ZNF804B: variants seen among roughly 807,000 people sequenced by gnomAD.
The protein encoded by ZNF804B is zinc finger protein 804B, also known as zinc finger 804B.
ZNF804B carries 80 observed loss-of-function variants against 101.4 expected under a neutral mutation model. That is an observed-to-expected ratio of 0.79 (90% CI 0.66 to 0.95). The LOEUF (loss-of-function observed/expected upper bound fraction) is 0.95. Among genes scored for constraint, ZNF804B ranks in the 40% least tolerant of loss-of-function variants. ZNF804B has a pLI of 0.00. For missense variants in ZNF804B, 1,673 were observed against 1,561.9 expected (o/e 1.07, Z -1.20); for synonymous variants, 622 against 558.8 (o/e 1.11, Z -1.59).
intron 1 of ZNF804B, among the ~76,000 whole-genome samples, chr7:88,898,139 T>C (rs1172177441): frequency 1.6e-5 from 2 of 127,978 alleles, no homozygotes; most frequent in Non-Finnish European, 3.1e-5. Context: ...CAGGCTCTAG[T>C]GCAATGGCGG....
chr7:89,087,067 AAAAAG>A (rs1295905044), intron 1 of ZNF804B, among the ~76,000 whole-genome samples: 3 of 151,768 alleles, frequency 2.0e-5, no homozygotes, highest in Admixed American at 6.6e-5. Flanking sequence ...AAAAAAAAAA[AAAAAG>A]AAAGGAAGCA....
intron 2 of ZNF804B, among the ~76,000 whole-genome samples, chr7:89,291,223 C>T (rs1005110857): frequency 6.6e-6 from 1 of 152,164 alleles, no homozygotes; most frequent in African/African-American, 2.4e-5. Flanking sequence ...AATGCCCAGA[C>T]ACTGACAAAT....
At chr7:89,186,496 A>C (rs1283076796) in intron 1 of ZNF804B, among the ~76,000 whole-genome samples, 1 of 152,202 alleles carries the variant, frequency 6.6e-6, no homozygotes, top group Non-Finnish European at 1.5e-5. Flanking sequence ...GAAAACAGAA[A>C]GAAATAAAGC....
chr7:88,943,310 G>C (rs4727194), intron 1 of ZNF804B, among the ~76,000 whole-genome samples: 6,088 of 151,852 alleles, frequency 0.04, 247 homozygotes, highest in East Asian at 0.17. Flanking sequence ...TGAAAGTAGT[G>C]GTATGTAAAC....
intron 2 of ZNF804B, among the ~76,000 whole-genome samples, chr7:89,257,168 C>A (rs1261192024): frequency 6.6e-6 from 1 of 152,038 alleles, no homozygotes; most frequent in Non-Finnish European, 1.5e-5. Flanking sequence ...TTATACTGAA[C>A]TATAGGATGG....
At chr7:89,130,416 G>A (rs912623860) in intron 1 of ZNF804B, among the ~76,000 whole-genome samples, 3 of 152,028 alleles carry the variant, frequency 2.0e-5, no homozygotes, top group African/African-American at 4.8e-5. Context: ...TATAGGAAAT[G>A]TTCCTTAGAA....
intron 1 of ZNF804B, among the ~76,000 whole-genome samples, chr7:88,973,128 A>G (rs1284169344): frequency 6.8e-6 from 1 of 147,910 alleles, no homozygotes; most frequent in African/African-American, 2.5e-5. Flanking sequence ...GCCACTCTCT[A>G]CTCCCACTCA....
At chr7:88,979,460 A>G (rs1311174036) in intron 1 of ZNF804B, among the ~76,000 whole-genome samples, 3 of 151,878 alleles carry the variant, frequency 2.0e-5, no homozygotes, top group Non-Finnish European at 1.5e-5. Context: ...ACTATAGATA[A>G]AGGTTTTTTT....
chr7:89,031,195 A>G lies in ZNF804B; in HGVS notation c.109-186960A>G, dbSNP rs939400956. 9.4e-5 allele frequency among the ~76,000 whole-genome samples: 11 copies of G among 117,268 alleles called. 1 individual carries two copies. The highest frequency in any genetic ancestry group is 2.6e-4 in the African/African-American group (9 of 35,026). 76.9% of individuals were successfully genotyped at this position (117,268 alleles called of 152,430 possible). On this transcript the variant is annotated intron_variant, in intron 1 of 3. Transcript: ENST00000333190. ...AATAAAAATATATATGTGTATATATATATATGTGTGTGTGTGTATATATAT... is the reference window on the plus strand; with the variant it reads ...AATAAAAATATATATGTGTATATATGTATATGTGTGTGTGTGTATATATAT...
chr7:88,892,165 T>C (rs945242621), intron 1 of ZNF804B, among the ~76,000 whole-genome samples: 1 of 144,520 alleles, frequency 6.9e-6, no homozygotes, highest in East Asian at 2.0e-4. Flanking sequence ...AAATTAGATA[T>C]TGTTGTTTAA....
In ZNF804B at chr7:89,060,054, C is replaced by G. The variant is rs997300673; in HGVS notation, c.109-158101C>G. Among the ~76,000 whole-genome samples, 4 of 152,082 alleles carry G rather than the reference C, an allele frequency of 2.6e-5. No individual in the cohort carries two copies. The South Asian group carries it at 8.3e-4, about 32-fold the overall frequency. On this transcript the variant is annotated intron_variant, in intron 1 of 3. Coordinates refer to ENST00000333190, the MANE Select transcript of ZNF804B (RefSeq NM_181646.5). ...AACCTGGGTCCTCAGGCTTTCAGAG[C>G]CCTCTGACTGAGAGTTACACCATTG... is the stretch of plus-strand genomic sequence containing the variant.
At chr7:89,190,084 G>C (rs1284379002) in intron 1 of ZNF804B, among the ~76,000 whole-genome samples, 1 of 151,956 alleles carries the variant, frequency 6.6e-6, no homozygotes, top group African/African-American at 2.4e-5. Flanking sequence ...ACTTTGAGGG[G>C]TTCAAAACTT....
intron 1 of ZNF804B, among the ~76,000 whole-genome samples, chr7:88,987,265 A>G (rs1160234303): frequency 4.6e-5 from 7 of 152,078 alleles, no homozygotes; most frequent in Admixed American, 3.9e-4. Flanking sequence ...TTGTGAGGAA[A>G]ATTGTTAAAA....
At chr7:89,255,271 C>A (rs1039178155) in intron 2 of ZNF804B, among the ~76,000 whole-genome samples, 1 of 152,130 alleles carries the variant, frequency 6.6e-6, no homozygotes, top group Non-Finnish European at 1.5e-5. Context: ...AGAAACTGCC[C>A]CCGTGATCCA....
intron 1 of ZNF804B, among the ~76,000 whole-genome samples, chr7:89,123,714 T>TATGAG (rs71120061): frequency 0.81 from 122,020 of 151,456 alleles, 49,643 homozygotes; most frequent in African/African-American, 0.93. Context: ...CTTAACAGCA[T>TATGAG]ATAAGTATTA....
At chr7:89,114,914 A>G (rs1790284820) in intron 1 of ZNF804B, among the ~76,000 whole-genome samples, 1 of 152,144 alleles carries the variant, frequency 6.6e-6, no homozygotes, top group African/African-American at 2.4e-5. Context: ...AAAAAACAAA[A>G]ACAAAAACTA....
At chr7:88,961,225 T>A (rs1793381440) in intron 1 of ZNF804B, among the ~76,000 whole-genome samples, 1 of 149,438 alleles carries the variant, frequency 6.7e-6, no homozygotes, top group Non-Finnish European at 1.5e-5. Context: ...TTATGTCGTG[T>A]GTTGTATAAA....
rs1157984196 is a variant in ZNF804B at position 88,767,756 on chromosome 7, G to A, written c.108+7672G>A. ...TTCACCTACATTTTCAGCTTTCACTGTGTATCCGTCCACATGATTCTACTA... is the reference window on the plus strand; with the variant it reads ...TTCACCTACATTTTCAGCTTTCACTATGTATCCGTCCACATGATTCTACTA... On this transcript the variant is annotated intron_variant, in intron 1 of 3. Transcript: ENST00000333190. 8.5e-5 allele frequency among the ~76,000 whole-genome samples: 13 copies of A among 152,332 alleles called. No individual in the cohort carries two copies. In the East Asian group the frequency reaches 2.5e-3, roughly 29 times the overall value.
chr7:89,197,368 G>A (rs542788071), intron 1 of ZNF804B, among the ~76,000 whole-genome samples: 3 of 151,832 alleles, frequency 2.0e-5, no homozygotes, highest in Admixed American at 1.3e-4. Flanking sequence ...CTGACAGGAA[G>A]AAAATAAAAA....
Sources: allele counts gnomAD v4.1 joint callset (sites outside exome capture counted in the v4.1 genomes callset), GRCh38; gene constraint gnomAD v4.1.1; transcripts MANE v1.5; gene names NCBI Gene and HGNC (gene_info 2026-07-23, HGNC 2026-07-21).